The following DCAF6 variants were observed in gnomAD, a reference collection of about 807,000 sequenced individuals.
The protein encoded by DCAF6 is DDB1- and CUL4-associated factor 6.
DCAF6 carries 54 observed loss-of-function variants against 125.1 expected under a neutral mutation model. That is an observed-to-expected ratio of 0.43 (90% confidence interval 0.35 to 0.54). DCAF6 has a LOEUF of 0.54. Among genes scored for constraint, DCAF6 ranks in the 20% least tolerant of loss-of-function variants. The pLI, the probability that DCAF6 is intolerant of heterozygous loss-of-function variation, is 0.01. For missense variants in DCAF6, 934 were observed against 1,161.7 expected (o/e 0.80, Z 2.85); for synonymous variants, 371 against 390.4 (o/e 0.95, Z 0.58).
the DCAF6 span, among the ~76,000 whole-genome samples, chr1:167,915,558 C>G: frequency 6.6e-6 from 1 of 152,182 alleles, no homozygotes; most frequent in East Asian, 1.9e-4. Context: ...TCAAGTGATT[C>G]TCCTGTCTCA....
intron 7 of DCAF6, among the ~76,000 whole-genome samples, chr1:167,996,770 C>G (rs780378139): frequency 3.9e-5 from 6 of 152,236 alleles, no homozygotes; most frequent in South Asian, 2.1e-4. Flanking sequence ...AAGCATGACT[C>G]TATTTTAGGA....
At chr1:167,955,098 G>A (rs1055333339) in intron 2 of DCAF6, among the ~76,000 whole-genome samples, 3 of 152,146 alleles carry the variant, frequency 2.0e-5, no homozygotes, top group African/African-American at 7.2e-5. Context: ...GTTGTTGAGT[G>A]TATCAATAAT....
At chr1:168,041,894 GCA>G (rs869267755) in intron 13 of DCAF6, among the ~76,000 whole-genome samples, 7 of 54,442 alleles carry the variant, frequency 1.3e-4, no homozygotes, top group South Asian at 4.7e-4. Flanking sequence ...TGTTTGTCGC[GCA>G]CACACACACA....
chr1:167,897,391 G>A, the DCAF6 span, among the ~76,000 whole-genome samples: 2 of 150,850 alleles, frequency 1.3e-5, no homozygotes, highest in African/African-American at 4.9e-5. Flanking sequence ...CAGTTACTCA[G>A]GAGGCTGTGG....
the DCAF6 span, among the ~76,000 whole-genome samples, chr1:167,906,222 A>G: frequency 6.6e-6 from 1 of 152,186 alleles, no homozygotes; most frequent in African/African-American, 2.4e-5. Context: ...TTTAAAATGT[A>G]TATAGTATAC....
chr1:168,002,230 T>G (rs1041451582), intron 7 of DCAF6, among the ~76,000 whole-genome samples: 3 of 152,150 alleles, frequency 2.0e-5, no homozygotes. Flanking sequence ...ATACATGATT[T>G]CAAAGTTGCA....
At chr1:167,891,518 T>C in the DCAF6 span, among the ~76,000 whole-genome samples, 4,032 of 151,262 alleles carry the variant, frequency 0.027, 169 homozygotes, top group African/African-American at 0.092. Context: ...TAGCCGGGCG[T>C]GGTGGCGGGC....
At chr1:168,044,848 A>G in intron 15 of DCAF6, 52 bp from the exon 16 acceptor site, 3 of 1,570,714 alleles carry the variant, frequency 1.9e-6, no homozygotes, top group Admixed American at 3.6e-5. Flanking sequence ...AGGTTAAATA[A>G]TTAGTATTGC....
chr1:168,004,885 T>A, intron 10 of DCAF6, 92 bp downstream of exon 10: 1 of 1,364,038 alleles, frequency 7.3e-7, no homozygotes, highest in Non-Finnish European at 9.9e-7. Flanking sequence ...TCACATCAAC[T>A]TCTTGTTGGA....
intron 16 of DCAF6, among the ~76,000 whole-genome samples, chr1:168,049,428 GTTGTTTTTT>G (rs1299400337): frequency 1.0e-4 from 7 of 67,420 alleles, no homozygotes; most frequent in African/African-American, 4.4e-4. Flanking sequence ...TGTTGTTGTT[GTTGTTTTTT>G]TTTTTTTTTT....
At chr1:167,904,819 A>C in the DCAF6 span, 32 of 787,512 alleles carry the variant, frequency 4.1e-5, 1 homozygote, top group Admixed American at 6.3e-5. Context: ...AGGATGAGAG[A>C]GAGCCAGGGC....
intron 1 of DCAF6, among the ~76,000 whole-genome samples, chr1:167,937,587 T>A (rs1458399012): frequency 1.3e-5 from 2 of 152,284 alleles, no homozygotes; most frequent in East Asian, 3.9e-4. Flanking sequence ...ACTCTGCTCT[T>A]CAGTTCGTTT....
chr1:167,995,690 A>G (rs2103032309), intron 7 of DCAF6, among the ~76,000 whole-genome samples: 1 of 152,254 alleles, frequency 6.6e-6, no homozygotes, highest in South Asian at 2.1e-4. Context: ...AGAAAAAAAA[A>G]AAAAAAGCTT....
the DCAF6 span, chr1:167,880,241 C>G: frequency 2.7e-6 from 4 of 1,496,128 alleles, no homozygotes; most frequent in Non-Finnish European, 3.7e-6. Context: ...AGATAATGAG[C>G]GTAGAGAAAG....
intron 5 of DCAF6, 25 bp downstream of exon 5, chr1:167,987,633 T>C: frequency 8.3e-7 from 1 of 1,200,856 alleles, no homozygotes. Flanking sequence ...TTTATACAAA[T>C]GATGCAGAAA....
intron 1 of DCAF6, among the ~76,000 whole-genome samples, chr1:167,947,263 C>T (rs1673214566): frequency 6.7e-6 from 1 of 150,142 alleles, no homozygotes; most frequent in South Asian, 2.1e-4. Flanking sequence ...CCCTTCTTTT[C>T]TTGGTTAGTC....
chr1:167,872,800 A>G, the DCAF6 span, among the ~76,000 whole-genome samples: 58 of 150,118 alleles, frequency 3.9e-4, no homozygotes, highest in African/African-American at 1.4e-3. Context: ...GGCTGCACGC[A>G]GTGGCTCACG....
the DCAF6 span, chr1:167,905,043 C>T: frequency 3.7e-6 from 6 of 1,614,192 alleles, no homozygotes; most frequent in Non-Finnish European, 5.1e-6. Flanking sequence ...CATAAAGGGT[C>T]GCTCTGGGGA....
chr1:167,883,502 T>C, the DCAF6 span: 11 of 1,614,158 alleles, frequency 6.8e-6, no homozygotes, highest in Non-Finnish European at 7.6e-6. Flanking sequence ...GTGATGTGCA[T>C]ATAGGCATCC....
Sources: gnomAD v4.1 joint callset for allele counts (sites outside exome capture counted in the v4.1 genomes callset) on GRCh38, gnomAD v4.1.1 for gene constraint, MANE v1.5 for transcripts, NCBI Gene and HGNC (gene_info 2026-07-23, HGNC 2026-07-21) for gene names.